The following AFAP1L2 variants were observed in gnomAD, a reference collection of about 807,000 sequenced individuals.
AFAP1L2 encodes the protein actin filament associated protein 1 like 2.
A neutral mutation model predicts 99.3 loss-of-function variants in AFAP1L2; 46 were observed. The ratio of observed to expected loss-of-function variants is 0.46; its 90% CI spans 0.37 to 0.59. The LOEUF is 0.59. Among genes scored for constraint, AFAP1L2 ranks in the 20% least tolerant of loss-of-function variants. The pLI is 0.00. For synonymous variants in AFAP1L2, 397 were observed against 419.1 expected (o/e 0.95, Z 0.64); for missense variants, 959 against 1,034.9 (o/e 0.93, Z 1.01).
chr10:114,403,686 G>A (rs2058438963), intron 1 of AFAP1L2, among the ~76,000 whole-genome samples: 3 of 152,186 alleles, frequency 2.0e-5, no homozygotes, highest in Non-Finnish European at 4.4e-5. Flanking sequence ...GTGCTAAGCT[G>A]GGCGTCCGGC....
chr10:114,337,101 T>C (rs2048092402), intron 2 of AFAP1L2, among the ~76,000 whole-genome samples: 1 of 152,194 alleles, frequency 6.6e-6, no homozygotes, highest in Non-Finnish European at 1.5e-5. Flanking sequence ...AATGCTGTAA[T>C]TTCAGGTGCG....
At chr10:114,323,664 T>C (rs554418208) in intron 4 of AFAP1L2, among the ~76,000 whole-genome samples, 6 of 152,336 alleles carry the variant, frequency 3.9e-5, no homozygotes, top group African/African-American at 1.4e-4. Flanking sequence ...TGCTAATCAA[T>C]AGCACAGGGA....
the AFAP1L2 span, chr10:114,288,832 G>C: frequency 1.7e-6 from 2 of 1,170,422 alleles, no homozygotes; most frequent in South Asian, 2.9e-5. Context: ...AGTGAACAGA[G>C]CACCCTGGCT....
At chr10:114,388,595 G>A (rs1002533892) in intron 1 of AFAP1L2, among the ~76,000 whole-genome samples, 2 of 152,182 alleles carry the variant, frequency 1.3e-5, no homozygotes, top group African/African-American at 4.8e-5. Context: ...CAGGACAGGG[G>A]CCTCGTCAGT....
chr10:114,354,515 T>C (rs2051017149), intron 1 of AFAP1L2, among the ~76,000 whole-genome samples: 3 of 152,218 alleles, frequency 2.0e-5, no homozygotes, highest in African/African-American at 7.2e-5. Flanking sequence ...ATGGTTCAGA[T>C]TTGACCGGCC....
At chr10:114,334,222 C>G (rs994254941) in intron 2 of AFAP1L2, among the ~76,000 whole-genome samples, 2 of 152,106 alleles carry the variant, frequency 1.3e-5, no homozygotes, top group African/African-American at 4.8e-5. Flanking sequence ...GTCACCTTTC[C>G]CATGCCTGCC....
chr10:114,363,113 G>A lies in AFAP1L2; in HGVS notation c.17-22382C>T, dbSNP rs566240283. 9.3e-5 allele frequency: 92 copies of A among 985,362 alleles called. 1 individual carries two copies. In the East Asian group the frequency reaches 6.1e-3, roughly 66 times the overall value. 61.0% of individuals were successfully genotyped at this position (985,362 alleles called of 1,614,324 possible). A position where few individuals can be genotyped will look rare whatever the true frequency, so the allele number is the denominator to read the frequency against. On this transcript the variant is annotated intron_variant, in intron 1 of 18. Coordinates refer to ENST00000304129, the MANE Select transcript of AFAP1L2 (RefSeq NM_001001936.3). ...GGATCCGAGCCTCTCAGCACTGGGC[G>A]TCGTCATCTTGCAGGAGCAGGTTCT...
chr10:114,289,611 G>A, the AFAP1L2 span: 9 of 1,141,940 alleles, frequency 7.9e-6, no homozygotes, highest in East Asian at 2.4e-5. Context: ...CTTCCCAAGT[G>A]CCAGGTTCTG....
Position 114,404,502 on chromosome 10 carries a change from T to C in AFAP1L2, c.-47A>G. ...TCGCGGCTCGGCTTCTGCGCTGCTC[T>C]CCCGGCGCTCGGCTCAGCGCCCAGG... On this transcript the variant is annotated 5_prime_UTR_variant, in exon 1 of 19. Coordinates refer to ENST00000304129, the MANE Select transcript of AFAP1L2 (RefSeq NM_001001936.3). 4 of 1,523,562 alleles carry C rather than the reference T, an allele frequency of 2.6e-6. No homozygotes were observed. In the South Asian group the frequency reaches 3.6e-5, roughly 14 times the overall value. The allele number at this position is 1,523,562 out of a possible 1,614,324, so 94.4% of individuals were successfully genotyped here. A position where few individuals can be genotyped will look rare whatever the true frequency, so the allele number is the denominator to read the frequency against.
At chr10:114,372,347 G>C (rs1401199597) in intron 1 of AFAP1L2, among the ~76,000 whole-genome samples, 1 of 152,154 alleles carries the variant, frequency 6.6e-6, no homozygotes. Flanking sequence ...GGGCTGACTT[G>C]CCATTGTGTG....
chr10:114,383,908 T>C (rs954933153), intron 1 of AFAP1L2, among the ~76,000 whole-genome samples: 1 of 152,122 alleles, frequency 6.6e-6, no homozygotes, highest in African/African-American at 2.4e-5. Flanking sequence ...AAACCCTCAG[T>C]CCATCTTCTC....
chr10:114,345,150 G>C (rs774707424), intron 1 of AFAP1L2, among the ~76,000 whole-genome samples: 2 of 148,990 alleles, frequency 1.3e-5, no homozygotes, highest in Non-Finnish European at 3.0e-5. Flanking sequence ...CAGAAAACTT[G>C]AGCCCTGAAA....
chr10:114,383,591 A>G (rs2056033179), intron 1 of AFAP1L2, among the ~76,000 whole-genome samples: 1 of 152,234 alleles, frequency 6.6e-6, no homozygotes, highest in Non-Finnish European at 1.5e-5. Flanking sequence ...ATATAGATGT[A>G]AAATTACTAC....
In AFAP1L2 at chr10:114,300,680, G is replaced by A; in HGVS notation, c.1553C>T (p.Thr518Ile). ...ATCTGCAACAGGGGTGGCTTCCTCG[G>A]TAGGCTCCACCTGCAGGAGAGAGTG... is the stretch of plus-strand genomic sequence containing the variant. ...LSELTAAVEPTEEATPVADDP... is the reference protein window; with the variant it reads ...LSELTAAVEPIEEATPVADDP... The change falls in exon 14 of 19, where the codon ACC (threonine) becomes ATC (isoleucine). Residue 518 changes from threonine to isoleucine, a missense_variant. Coordinates refer to ENST00000304129, the MANE Select transcript of AFAP1L2 (RefSeq NM_001001936.3). 1 of 1,591,876 alleles carries A rather than the reference G, an allele frequency of 6.3e-7. No individual in the cohort carries two copies. The highest frequency in any genetic ancestry group is 8.6e-7 in the Non-Finnish European group (1 of 1,167,994).
At chr10:114,342,827 A>G (rs2049003580) in intron 1 of AFAP1L2, among the ~76,000 whole-genome samples, 1 of 152,252 alleles carries the variant, frequency 6.6e-6, no homozygotes, top group Admixed American at 6.5e-5. Context: ...AGCAATAAGA[A>G]ACTGAGACAT....
At chr10:114,288,342 T>C in the AFAP1L2 span, among the ~76,000 whole-genome samples, 1 of 152,214 alleles carries the variant, frequency 6.6e-6, no homozygotes, top group Non-Finnish European at 1.5e-5. Context: ...TCATGTCTGT[T>C]CCCCTAGACT....
At chr10:114,286,775 C>T in the AFAP1L2 span, among the ~76,000 whole-genome samples, 1 of 152,232 alleles carries the variant, frequency 6.6e-6, no homozygotes, top group Non-Finnish European at 1.5e-5. Flanking sequence ...AAGCACTCAG[C>T]AAACTCTAGG....
chr10:114,387,648 G>A (rs1420490661), intron 1 of AFAP1L2, among the ~76,000 whole-genome samples: 1 of 152,172 alleles, frequency 6.6e-6, no homozygotes, highest in Non-Finnish European at 1.5e-5. Context: ...TTAAGAAACT[G>A]AGGTTCAGAA....
chr10:114,294,250 G>A (rs1490274179), downstream of AFAP1L2, among the ~76,000 whole-genome samples: 1 of 152,078 alleles, frequency 6.6e-6, no homozygotes, highest in Non-Finnish European at 1.5e-5. Context: ...TTTGCAATTT[G>A]TTTTGAATTT....
Sources: gnomAD v4.1 joint callset for allele counts (sites outside exome capture counted in the v4.1 genomes callset) on GRCh38, gnomAD v4.1.1 for gene constraint, MANE v1.5 for transcripts, NCBI Gene and HGNC (gene_info 2026-07-23, HGNC 2026-07-21) for gene names.